Variants in STX8 observed in about 807,000 individuals in gnomAD.
The protein encoded by STX8 is syntaxin 8.
STX8 carries 23 observed loss-of-function variants against 37.5 expected under a neutral mutation model. The observed-to-expected ratio is 0.61, with a 90% CI of 0.44 to 0.87. STX8 has a LOEUF of 0.87. Among genes scored for constraint, STX8 ranks in the 40% least tolerant of loss-of-function variants. STX8 has a pLI of 0.00. For synonymous variants in STX8, 115 were observed against 99.1 expected (o/e 1.16, Z -0.95); for missense variants, 313 against 284.7 (o/e 1.10, Z -0.71).
chr17:9,378,369 G>A, intron 7 of STX8, 183 bp downstream of exon 7: 1 of 560,008 alleles, frequency 1.8e-6, no homozygotes, highest in East Asian at 3.0e-5. Context: ...TATGCCCTTT[G>A]AACTCCATTT....
At chr17:9,481,238 G>A (rs1486768546) in intron 6 of STX8, among the ~76,000 whole-genome samples, 1 of 152,118 alleles carries the variant, frequency 6.6e-6, no homozygotes, top group African/African-American at 2.4e-5. Flanking sequence ...ATGCCACCAG[G>A]AAGTGCACCC....
intron 6 of STX8, among the ~76,000 whole-genome samples, chr17:9,419,175 C>T (rs1441232072): frequency 1.3e-5 from 2 of 151,990 alleles, no homozygotes; most frequent in South Asian, 2.1e-4. Flanking sequence ...GAGCCTCCTG[C>T]CTCAGCCTCC....
intron 7 of STX8, among the ~76,000 whole-genome samples, chr17:9,364,484 T>C (rs1911162111): frequency 6.6e-6 from 1 of 152,208 alleles, no homozygotes; most frequent in South Asian, 2.1e-4. Context: ...TATTTATCTT[T>C]GTAATAATGA....
At chr17:9,440,594 G>A (rs901834244) in intron 6 of STX8, among the ~76,000 whole-genome samples, 1 of 149,328 alleles carries the variant, frequency 6.7e-6, no homozygotes, top group Non-Finnish European at 1.5e-5. Flanking sequence ...GTGCGATCTC[G>A]GCTCACTGCA....
At chr17:9,293,657 G>A (rs1176571221) in intron 7 of STX8, among the ~76,000 whole-genome samples, 1 of 151,916 alleles carries the variant, frequency 6.6e-6, no homozygotes. Context: ...AAGTGAATAC[G>A]ACACTTTGTA....
intron 6 of STX8, among the ~76,000 whole-genome samples, chr17:9,444,657 A>G (rs1301493444): frequency 1.3e-5 from 2 of 152,204 alleles, no homozygotes; most frequent in Non-Finnish European, 2.9e-5. Context: ...CATCTTTACT[A>G]AAGAAAAGCA....
chr17:9,392,589 A>G (rs1912262476), intron 6 of STX8, among the ~76,000 whole-genome samples: 1 of 152,240 alleles, frequency 6.6e-6, no homozygotes, highest in Admixed American at 6.5e-5. Context: ...CCTGGATGAC[A>G]GAGTGAGACC....
At chr17:9,346,435 C>T (rs954248630) in intron 7 of STX8, among the ~76,000 whole-genome samples, 33 of 152,178 alleles carry the variant, frequency 2.2e-4, no homozygotes, top group African/African-American at 7.0e-4. Context: ...CCTCAGCACT[C>T]TGGTGTGTCA....
At chr17:9,403,581 A>G (rs1038309537) in intron 6 of STX8, among the ~76,000 whole-genome samples, 3 of 152,144 alleles carry the variant, frequency 2.0e-5, no homozygotes, top group African/African-American at 4.8e-5. Context: ...ATTCAACTAC[A>G]TTTGACCCTT....
At chr17:9,439,384 T>G (rs1904557805) in intron 6 of STX8, among the ~76,000 whole-genome samples, 1 of 152,204 alleles carries the variant, frequency 6.6e-6, no homozygotes, top group Non-Finnish European at 1.5e-5. Flanking sequence ...CTTATTTTAA[T>G]GTAGCAGCAT....
chr17:9,570,917 G>C (rs542839677), intron 1 of STX8, among the ~76,000 whole-genome samples: 25 of 152,272 alleles, frequency 1.6e-4, no homozygotes, highest in African/African-American at 6.0e-4. Flanking sequence ...CAGGAGGGAG[G>C]AGCACATTCT....
rs376058316 is a variant in STX8 at position 9,368,007 on chromosome 17, T to C, written c.643+10545A>G. Among the ~76,000 whole-genome samples the C allele has an allele frequency of 5.9e-5, 9 of 152,292 alleles. No individual in the cohort carries two copies. In the East Asian group the frequency reaches 1.4e-3, roughly 23 times the overall value. Reference sequence around the variant, plus strand: ...TCAGCTTCCCAAAGAGTTGGGATTATAGGTGTGAGCCACCATGCCCAGCCA... The same window carrying C: ...TCAGCTTCCCAAAGAGTTGGGATTACAGGTGTGAGCCACCATGCCCAGCCA... On this transcript the variant is annotated intron_variant, in intron 7 of 7. Transcript: ENST00000306357.
At chr17:9,497,169 A>T (rs1171124119) in intron 5 of STX8, among the ~76,000 whole-genome samples, 1 of 152,210 alleles carries the variant, frequency 6.6e-6, no homozygotes, top group Non-Finnish European at 1.5e-5. Flanking sequence ...TAGAAGAAAA[A>T]GGAAGAGTTG....
At position 9,269,490 on chromosome 17, in the gene STX8, G is replaced by T. The variant is rs190178948; in HGVS notation, c.644-18845C>A. On this transcript the variant is annotated intron_variant, in intron 7 of 7. Transcript: ENST00000306357. ...GCCATGCAAAGAACACAAAATATCT[G>T]CCCTTCCAATGTCTGCTGCTAGTGC... is the stretch of plus-strand genomic sequence containing the variant. Among the ~76,000 whole-genome samples the T allele has an allele frequency of 4.3e-4, 65 of 152,250 alleles. 1 individual carries two copies. In the East Asian group the frequency reaches 0.012, roughly 28 times the overall value.
At chr17:9,481,350 C>T (rs1013225754) in intron 6 of STX8, among the ~76,000 whole-genome samples, 2 of 152,210 alleles carry the variant, frequency 1.3e-5, no homozygotes, top group African/African-American at 4.8e-5. Context: ...GAACTCCTTC[C>T]ACTTCAAATC....
chr17:9,285,354 G>A (rs1401912085), intron 7 of STX8, among the ~76,000 whole-genome samples: 1 of 151,578 alleles, frequency 6.6e-6, no homozygotes, highest in Non-Finnish European at 1.5e-5. Flanking sequence ...TATTCTGCAG[G>A]TGTTGGATAT....
At chr17:9,496,106 G>A (rs1025990201) in intron 5 of STX8, among the ~76,000 whole-genome samples, 30 of 143,814 alleles carry the variant, frequency 2.1e-4, no homozygotes, top group African/African-American at 6.7e-4. Context: ...ACAGAGTTTC[G>A]CTCTTGTCGC....
chr17:9,441,952 T>C (rs1473248742), intron 6 of STX8, among the ~76,000 whole-genome samples: 2 of 151,966 alleles, frequency 1.3e-5, no homozygotes, highest in Middle Eastern at 3.4e-3. Flanking sequence ...TGGGATTACA[T>C]ACCGCGCCTG....
intron 7 of STX8, among the ~76,000 whole-genome samples, chr17:9,338,423 A>T (rs1222507541): frequency 1.3e-5 from 2 of 152,280 alleles, no homozygotes; most frequent in East Asian, 3.9e-4. Context: ...GCTTCAGCTC[A>T]TTCCACTCCT....
Sources: gnomAD v4.1 joint callset for allele counts (sites outside exome capture counted in the v4.1 genomes callset) on GRCh38, gnomAD v4.1.1 for gene constraint, MANE v1.5 for transcripts, NCBI Gene and HGNC (gene_info 2026-07-23, HGNC 2026-07-21) for gene names.